The following NPFFR2 variants were observed in gnomAD, a reference collection of about 807,000 sequenced individuals.
NPFFR2 encodes G-protein coupled receptor 74.
A neutral mutation model predicts 13.1 loss-of-function variants in NPFFR2; 15 were observed. The observed-to-expected ratio is 1.15, with a 90% CI of 0.77 to 1.76. The LOEUF (loss-of-function observed/expected upper bound fraction) is 1.76. Ranked by LOEUF, NPFFR2 falls within the 40% of genes most tolerant of loss-of-function variation. The pLI is 0.00. For missense variants in NPFFR2, 572 were observed against 503.5 expected (o/e 1.14, Z -1.30); for synonymous variants, 190 against 175.7 (o/e 1.08, Z -0.65).
At chr4:72,063,188 A>G (rs895860492) in intron 1 of NPFFR2, among the ~76,000 whole-genome samples, 1 of 152,210 alleles carries the variant, frequency 6.6e-6, no homozygotes, top group Non-Finnish European at 1.5e-5. Flanking sequence ...AATTTAGAGC[A>G]TCTGCATTCA....
At chr4:72,089,854 G>C (rs1720869206) in intron 1 of NPFFR2, among the ~76,000 whole-genome samples, 1 of 151,904 alleles carries the variant, frequency 6.6e-6, no homozygotes, top group South Asian at 2.1e-4. Flanking sequence ...CTTTGTTTTT[G>C]TTGCATTTGC....
At chr4:72,127,351 A>ATTTTTTTTTTTTTTTTTTT (rs1560419389) in intron 1 of NPFFR2, among the ~76,000 whole-genome samples, 1 of 123,388 alleles carries the variant, frequency 8.1e-6, no homozygotes, top group African/African-American at 3.4e-5. Flanking sequence ...ATTCTAAATA[A>ATTTTTTTTTTTTTTTTTTT]TTTCTTTTCT....
intron 1 of NPFFR2, among the ~76,000 whole-genome samples, chr4:72,039,745 A>G (rs1408379488): frequency 1.3e-5 from 2 of 152,184 alleles, no homozygotes; most frequent in African/African-American, 4.8e-5. Flanking sequence ...GTAGTTATTT[A>G]AAAACTACTT....
intron 1 of NPFFR2, among the ~76,000 whole-genome samples, chr4:72,070,562 G>T (rs1293308504): frequency 6.8e-3 from 13 of 1,916 alleles, no homozygotes; most frequent in Non-Finnish European, 0.017. Flanking sequence ...TGTGTGTGTG[G>T]GGGGGGGGGG....
chr4:72,073,918 CA>C (rs1170282900), intron 1 of NPFFR2, among the ~76,000 whole-genome samples: 1 of 148,312 alleles, frequency 6.7e-6, no homozygotes, highest in African/African-American at 2.5e-5. Context: ...TATTTCACTA[CA>C]AAAAAATTAG....
At chr4:72,117,669 G>A (rs1721752396) in intron 1 of NPFFR2, among the ~76,000 whole-genome samples, 1 of 152,192 alleles carries the variant, frequency 6.6e-6, no homozygotes, top group South Asian at 2.1e-4. Flanking sequence ...ATCAGTCAAT[G>A]AATGAATGAA....
chr4:72,035,452 C>T (rs1489274575), intron 1 of NPFFR2, among the ~76,000 whole-genome samples: 1 of 152,176 alleles, frequency 6.6e-6, no homozygotes, highest in Non-Finnish European at 1.5e-5. Context: ...GGGCCAGAGC[C>T]TCAAGCATAG....
Position 72,128,698 on chromosome 4 carries a change from A to G in NPFFR2, c.107A>G (p.Asn36Ser), listed in dbSNP as rs1385081464. The change falls in exon 2 of 4, where the codon AAC becomes AGC. Residue 36 changes from asparagine (N) to serine (S), a missense_variant. Coordinates refer to ENST00000308744, the MANE Select transcript of NPFFR2 (RefSeq NM_004885.3). ...TCAGATATTAATATTACCTATGTGA[A>G]CTACTATCTTCACCAGCCTCAAGTG... ...LYSDINITYV[N>S]YYLHQPQVAA... 6.2e-7 allele frequency: 1 copy of G among 1,613,990 alleles called. No individual in the cohort carries two copies. Among genetic ancestry groups the G allele is most frequent in the South Asian group, 1.1e-5 (1 of 91,074 alleles).
intron 1 of NPFFR2, among the ~76,000 whole-genome samples, chr4:72,089,686 T>C (rs985448008): frequency 6.6e-6 from 1 of 152,050 alleles, no homozygotes; most frequent in African/African-American, 2.4e-5. Context: ...TTCTTACTGA[T>C]TTGTTTGAGT....
rs1225846278 is a variant in NPFFR2 at position 72,127,346 on chromosome 4, A to AAATAATTTC, written c.-7-1238_-7-1230dup. Among the ~76,000 whole-genome samples the AAATAATTTC allele has an allele frequency of 7.0e-3, 935 of 134,114 alleles. 41 individuals carry two copies. The highest frequency in any genetic ancestry group is 0.027 in the African/African-American group (892 of 33,082). The allele number at this position is 134,114 out of a possible 152,430, so 88.0% of individuals were successfully genotyped here. ...AAAAAAAAAAAGTCATACAGATTCT[A>AAATAATTTC]AATAATTTCTTTTCTTTTTTTTTTT... On this transcript the variant is annotated intron_variant, in intron 1 of 3. Transcript: ENST00000308744.
chr4:72,071,258 A>G (rs1323464933), intron 1 of NPFFR2, among the ~76,000 whole-genome samples: 1 of 152,160 alleles, frequency 6.6e-6, no homozygotes, highest in Non-Finnish European at 1.5e-5. Flanking sequence ...TATGGTAAAT[A>G]TCACCTAGCT....
At chr4:72,113,758 G>A (rs1721633502) in intron 1 of NPFFR2, among the ~76,000 whole-genome samples, 1 of 152,066 alleles carries the variant, frequency 6.6e-6, no homozygotes, top group South Asian at 2.1e-4. Context: ...TCTGCGAGTA[G>A]ACCAGTTCCC....
chr4:72,036,233 T>A (rs1719035257), intron 1 of NPFFR2, among the ~76,000 whole-genome samples: 1 of 152,148 alleles, frequency 6.6e-6, no homozygotes, highest in African/African-American at 2.4e-5. Context: ...GGAACCAGGA[T>A]AATGAACTCA....
At chr4:72,062,804 AGTT>A (rs1719958694) in intron 1 of NPFFR2, among the ~76,000 whole-genome samples, 2 of 152,188 alleles carry the variant, frequency 1.3e-5, no homozygotes, top group African/African-American at 4.8e-5. Flanking sequence ...GATTCAGCCC[AGTT>A]GTCTCAGTTA....
chr4:72,124,401 A>G lies in NPFFR2; in HGVS notation c.-7-4184A>G, dbSNP rs575016065. The stretch of plus-strand genomic sequence containing the variant: ...TCACAGAATTAGAAAAACTACTGTA[A>G]ATTTCATATGGAACCAAAAAAGAGC... On this transcript the variant is annotated intron_variant, in intron 1 of 3. Coordinates refer to ENST00000308744, the MANE Select transcript of NPFFR2 (RefSeq NM_004885.3). Among the ~76,000 whole-genome samples, 10 of 152,300 alleles carry G rather than the reference A, an allele frequency of 6.6e-5. No homozygotes were observed. In the East Asian group the frequency reaches 1.9e-3, roughly 29 times the overall value.
intron 1 of NPFFR2, among the ~76,000 whole-genome samples, chr4:72,117,042 A>AG (rs1188568840): frequency 1.1e-4 from 17 of 152,168 alleles, no homozygotes; most frequent in Non-Finnish European, 1.9e-4. Context: ...AAACATCTCC[A>AG]GGAAGTGGTC....
intron 1 of NPFFR2, among the ~76,000 whole-genome samples, chr4:72,081,595 C>A (rs946955283): frequency 6.6e-6 from 1 of 150,820 alleles, no homozygotes; most frequent in South Asian, 2.1e-4. Context: ...TCAAGCGATT[C>A]TCCCACCTCA....
chr4:72,073,447 G>T (rs1720325075), intron 1 of NPFFR2, among the ~76,000 whole-genome samples: 1 of 151,944 alleles, frequency 6.6e-6, no homozygotes, highest in Non-Finnish European at 1.5e-5. Flanking sequence ...TGAAATTAAA[G>T]AACACTAAAT....
At chr4:72,127,303 CAAA>C (rs772559589) in intron 1 of NPFFR2, among the ~76,000 whole-genome samples, 462 of 11,174 alleles carry the variant, frequency 0.041, no homozygotes, top group Admixed American at 0.06. Context: ...GACTCCATCT[CAAA>C]AAAAAAAAAA....
Sources: gnomAD v4.1 joint callset for allele counts (sites outside exome capture counted in the v4.1 genomes callset) on GRCh38, gnomAD v4.1.1 for gene constraint, MANE v1.5 for transcripts, NCBI Gene and HGNC (gene_info 2026-07-23, HGNC 2026-07-21) for gene names.